CFAP57: variants seen among roughly 807,000 people sequenced by gnomAD.
CFAP57 encodes the protein cilia and flagella associated protein 57, also known as cilia- and flagella-associated protein 57.
CFAP57 carries 116 observed loss-of-function variants against 146.8 expected under a neutral mutation model. That is an observed-to-expected ratio of 0.79 (90% CI 0.68 to 0.92). The LOEUF (loss-of-function observed/expected upper bound fraction) is 0.92, where lower values mean the gene tolerates loss of function less well. CFAP57 is among the 40% of genes least tolerant of loss of function. CFAP57 has a pLI of 0.00. For missense variants in CFAP57, 1,377 were observed against 1,527.2 expected, an observed-to-expected ratio of 0.90 and a Z score of 1.64; for synonymous variants, 518 against 552.8, an observed-to-expected ratio of 0.94 and a Z score of 0.88.
intron 21 of CFAP57, among the ~76,000 whole-genome samples, chr1:43,241,262 C>T (rs1287707425): frequency 6.6e-6 from 1 of 152,152 alleles, no homozygotes; most frequent in Non-Finnish European, 1.5e-5. Flanking sequence ...CCCTCTAGGC[C>T]CCACCTCCAA....
chr1:43,173,673 C>T (rs923839517), intron 2 of CFAP57, among the ~76,000 whole-genome samples: 2 of 152,202 alleles, frequency 1.3e-5, no homozygotes, highest in Non-Finnish European at 2.9e-5. Context: ...AGTGTTCCAT[C>T]ATATGAATAT....
intron 22 of CFAP57, among the ~76,000 whole-genome samples, chr1:43,251,304 T>C (rs891588190): frequency 2.0e-5 from 3 of 152,216 alleles, no homozygotes; most frequent in Non-Finnish European, 2.9e-5. Context: ...CAAATCCATA[T>C]CTCTGACTGA....
intron 18 of CFAP57, chr1:43,232,172 T>A: frequency 1.5e-6 from 1 of 671,758 alleles, no homozygotes; most frequent in Non-Finnish European, 2.7e-6. Flanking sequence ...CAGGTGAGAG[T>A]TGAGGTTCTA....
intron 6 of CFAP57, among the ~76,000 whole-genome samples, chr1:43,189,494 G>A (rs1643365031): frequency 6.6e-6 from 1 of 152,038 alleles, no homozygotes; most frequent in Admixed American, 6.5e-5. Context: ...TTTTCTTCAT[G>A]ATGCTATTGT....
chr1:43,172,570 G>T, intron 1 of CFAP57, 117 bp downstream of exon 1: 1 of 725,504 alleles, frequency 1.4e-6, no homozygotes, highest in Admixed American at 2.4e-5. Context: ...CCCGGGGGAG[G>T]GGAAAGGGGA....
chr1:43,219,661 A>G, intron 13 of CFAP57, 124 bp downstream of exon 13: 1 of 1,230,872 alleles, frequency 8.1e-7, no homozygotes, highest in Non-Finnish European at 1.1e-6. Flanking sequence ...CCAATTTTAA[A>G]GCATAGTCGT....
At chr1:43,180,088 C>G (rs1308278542) in intron 2 of CFAP57, among the ~76,000 whole-genome samples, 1 of 151,684 alleles carries the variant, frequency 6.6e-6, no homozygotes, top group Non-Finnish European at 1.5e-5. Flanking sequence ...TGCCTGTAAT[C>G]CCTGCTACTC....
intron 6 of CFAP57, among the ~76,000 whole-genome samples, chr1:43,191,972 C>A (rs1470477762): frequency 1.3e-5 from 2 of 151,824 alleles, no homozygotes; most frequent in Non-Finnish European, 2.9e-5. Flanking sequence ...TTTGGAATTT[C>A]TCTTTTGATT....
At chr1:43,196,757 C>T (rs1202904067) in intron 6 of CFAP57, among the ~76,000 whole-genome samples, 2 of 152,198 alleles carry the variant, frequency 1.3e-5, no homozygotes, top group African/African-American at 4.8e-5. Context: ...ATCCAACTCT[C>T]ATTTGCTACT....
intron 11 of CFAP57, among the ~76,000 whole-genome samples, chr1:43,212,056 G>A (rs960814683): frequency 6.6e-6 from 1 of 152,170 alleles, no homozygotes; most frequent in Non-Finnish European, 1.5e-5. Context: ...TAGGTTTAGA[G>A]GAAATTTTAA....
chr1:43,183,469 T>G, intron 3 of CFAP57, 122 bp from the exon 4 acceptor site: 1 of 875,898 alleles, frequency 1.1e-6, no homozygotes, highest in Non-Finnish European at 1.8e-6. Context: ...AGTTACATGA[T>G]TTTGTGATGT....
intron 18 of CFAP57, among the ~76,000 whole-genome samples, chr1:43,229,448 G>A (rs1382225084): frequency 6.7e-6 from 1 of 148,484 alleles, no homozygotes; most frequent in Non-Finnish European, 1.5e-5. Context: ...CTGACCTTGG[G>A]GCTTCCCTCT....
chr1:43,247,676 T>A (rs1334024069), intron 22 of CFAP57, among the ~76,000 whole-genome samples: 1 of 152,248 alleles, frequency 6.6e-6, no homozygotes, highest in Non-Finnish European at 1.5e-5. Flanking sequence ...TTTATAAGGT[T>A]TTAAAGAATA....
At position 43,229,678 on chromosome 1, in the gene CFAP57, G is replaced by A. The variant is rs1362789016; in HGVS notation, c.3009+2552G>A. The stretch of plus-strand genomic sequence containing the variant: ...CTAGGGGAGAGGTTTCCCGAGGCTT[G>A]TCGTTTTAGTTTACACTCATTTACT... On this transcript the variant is annotated intron_variant, in intron 18 of 22. Transcript: ENST00000372492. Among the ~76,000 whole-genome samples, 4 of 148,662 alleles carry A rather than the reference G, an allele frequency of 2.7e-5. 1 individual carries two copies. Among genetic ancestry groups the A allele is most frequent in the Non-Finnish European group, 4.4e-5 (3 of 67,576 alleles).
intron 1 of CFAP57, 77 bp downstream of exon 1, chr1:43,172,530 C>G: frequency 7.6e-7 from 1 of 1,319,736 alleles, no homozygotes; most frequent in Non-Finnish European, 1.0e-6. Flanking sequence ...GAAAAAGGAG[C>G]CGCGGGGGTG....
intron 10 of CFAP57, among the ~76,000 whole-genome samples, chr1:43,209,209 A>G (rs1341398783): frequency 6.6e-6 from 1 of 152,300 alleles, no homozygotes; most frequent in Non-Finnish European, 1.5e-5. Context: ...GGGGAGACTA[A>G]TGTATGGTTT....
At chr1:43,173,196 C>T (rs1645044233) in intron 2 of CFAP57, among the ~76,000 whole-genome samples, 1 of 152,296 alleles carries the variant, frequency 6.6e-6, no homozygotes, top group Admixed American at 6.5e-5. Flanking sequence ...AATATCACTG[C>T]CTTTGTCATC....
At chr1:43,252,015 T>C (rs746782242) in intron 22 of CFAP57, among the ~76,000 whole-genome samples, 4 of 152,344 alleles carry the variant, frequency 2.6e-5, no homozygotes, top group South Asian at 2.1e-4. Flanking sequence ...ATAAGCCTTA[T>C]AGAGTTATTT....
At chr1:43,220,407 T>TACACAAATCTG (rs1228781431) in intron 13 of CFAP57, among the ~76,000 whole-genome samples, 1 of 152,194 alleles carries the variant, frequency 6.6e-6, no homozygotes, top group Non-Finnish European at 1.5e-5. Flanking sequence ...TTCTTTTCTT[T>TACACAAATCTG]GTTCTACACA....
Sources: gnomAD v4.1 joint callset for allele counts (sites outside exome capture counted in the v4.1 genomes callset) on GRCh38, gnomAD v4.1.1 for gene constraint, MANE v1.5 for transcripts, NCBI Gene and HGNC (gene_info 2026-07-23, HGNC 2026-07-21) for gene names.